The following NCKAP1L variants were observed in gnomAD, a reference collection of about 807,000 sequenced individuals.
NCKAP1L encodes the protein NCK associated protein 1 like, also known as nck-associated protein 1-like.
NCKAP1L carries 53 observed loss-of-function variants against 139.2 expected under a neutral mutation model. The observed-to-expected ratio is 0.38, with a 90% CI of 0.31 to 0.48. The LOEUF (loss-of-function observed/expected upper bound fraction) is 0.48, where lower values mean the gene tolerates loss of function less well. Ranked by LOEUF, NCKAP1L falls within the 20% of genes least tolerant of loss-of-function variation. NCKAP1L has a pLI of 0.98. For synonymous variants in NCKAP1L, 468 were observed against 499.7 expected, an observed-to-expected ratio of 0.94 and a Z score of 0.85; for missense variants, 1,151 against 1,381.9, an observed-to-expected ratio of 0.83 and a Z score of 2.65.
In NCKAP1L at chr12:54,497,834, C is replaced by T; in HGVS notation, c.45C>T (p.Leu15=). ...SAYQHKLAEK[L]TILNDRGQGV... is the part of the protein sequence containing the mutation. ...ACCAGCATAAATTAGCAGAGAAGCT[C>T]ACTATCCTGAATGATCGCGGTCAGG... The change falls in exon 1 of 31, where the codon CTC becomes CTT. Residue 15 remains leucine (L), a synonymous_variant. Transcript: ENST00000293373. 1 of 1,613,922 alleles carries T rather than the reference C, an allele frequency of 6.2e-7. No individual in the cohort carries two copies. Among genetic ancestry groups the T allele is most frequent in the South Asian group, 1.1e-5 (1 of 91,066 alleles).
At chr12:54,524,621 T>G (rs1019817335) in intron 20 of NCKAP1L, among the ~76,000 whole-genome samples, 1 of 152,156 alleles carries the variant, frequency 6.6e-6, no homozygotes, top group Admixed American at 6.5e-5. Context: ...TCAACAAATG[T>G]TTATTGAACA....
intron 23 of NCKAP1L, 34 bp downstream of exon 23, chr12:54,531,391 C>T: frequency 6.2e-7 from 1 of 1,610,722 alleles, no homozygotes; most frequent in East Asian, 2.2e-5. Context: ...GGAAAAGATC[C>T]TACCTTGAGG....
intron 16 of NCKAP1L, 65 bp downstream of exon 16, chr12:54,519,397 A>G (rs1247062267): frequency 1.7e-6 from 2 of 1,190,312 alleles, no homozygotes; most frequent in African/African-American, 1.7e-5. Flanking sequence ...TTTTTTCTCC[A>G]TTATGCCACT....
chr12:54,508,244 A>G (rs896949549), intron 4 of NCKAP1L, 145 bp from the exon 5 acceptor site: 1 of 914,802 alleles, frequency 1.1e-6, no homozygotes, highest in Non-Finnish European at 1.7e-6. Flanking sequence ...CAATTTTCTT[A>G]TTCTTCTTTT....
At chr12:54,518,798 T>G (rs1204965161) in intron 14 of NCKAP1L, 66 bp downstream of exon 14, 7 of 1,536,000 alleles carry the variant, frequency 4.6e-6, no homozygotes, top group Non-Finnish European at 6.3e-6. Flanking sequence ...CCGGAAATAT[T>G]GATCTTTGAG....
intron 18 of NCKAP1L, among the ~76,000 whole-genome samples, chr12:54,521,715 C>T (rs1026833648): frequency 6.6e-6 from 1 of 152,038 alleles, no homozygotes; most frequent in East Asian, 1.9e-4. Flanking sequence ...TTATTTTTCC[C>T]CTCTCCTCCC....
Position 54,523,405 on chromosome 12 carries a change from G to A in NCKAP1L, c.1890G>A (p.Lys630=), listed in dbSNP as rs141593661. The change falls in exon 19 of 31, where the codon AAG becomes AAA. Residue 630 remains lysine (K), a synonymous_variant. Transcript: ENST00000293373. ...GTTTGTTTCTGAAGCTTCTACCTAA[G>A]CACTGTGCCACTACAATCAGCAAAG... ...QRNLSEQLLP[K]HCATTISKAK... 2.9e-5 allele frequency: 47 copies of A among 1,613,716 alleles called. No individual in the cohort carries two copies. The highest frequency in any genetic ancestry group is 1.3e-4 in the South Asian group (12 of 91,046).
At position 54,507,915 on chromosome 12, in the gene NCKAP1L, A is replaced by T. The variant is rs1347478805; in HGVS notation, c.363+6A>T. On this transcript the variant is annotated splice_donor_region_variant and intron_variant, in intron 4 of 30. Coordinates refer to ENST00000293373, the MANE Select transcript of NCKAP1L (RefSeq NM_005337.5). ...GCCAGTGCCATTTTGATATCGTAAG[A>T]ACCTTTGCAATTCTCTTCTATCGTA... 1 of 1,613,584 alleles carries T rather than the reference A, an allele frequency of 6.2e-7. No homozygotes were observed. Among genetic ancestry groups the T allele is most frequent in the South Asian group, 1.1e-5 (1 of 91,056 alleles).
chr12:54,534,693 T>C (rs1245608471), intron 26 of NCKAP1L, among the ~76,000 whole-genome samples: 1 of 152,196 alleles, frequency 6.6e-6, no homozygotes, highest in East Asian at 1.9e-4. Flanking sequence ...TAAATTATCC[T>C]GGCAGCACCG....
Position 54,533,864 on chromosome 12 carries a change from T to C in NCKAP1L, c.2863-1240T>C, listed in dbSNP as rs1957093777. On this transcript the variant is annotated intron_variant, in intron 26 of 30. Coordinates refer to ENST00000293373, the MANE Select transcript of NCKAP1L (RefSeq NM_005337.5). ...GGATTACAGGCATGAGCCATTGCTC[T>C]GGCCAGTCTGTGGGATTACTTGCAT... is the stretch of plus-strand genomic sequence containing the variant. Among the ~76,000 whole-genome samples the C allele has an allele frequency of 1.3e-5, 2 of 152,244 alleles. 1 individual carries two copies. Among genetic ancestry groups the C allele is most frequent in the South Asian group, 4.1e-4 (2 of 4,836 alleles).
At chr12:54,498,829 T>C (rs1956771679) in intron 1 of NCKAP1L, 1 of 985,250 alleles carries the variant, frequency 1.0e-6, no homozygotes, top group African/African-American at 1.7e-5. Flanking sequence ...CAAGACAAAA[T>C]GCCTAGGTTG....
rs1007168636 is a variant in NCKAP1L, at chr12:54,516,140, C to A, written c.942-99C>A. On this transcript the variant is annotated intron_variant, in intron 9 of 30. Transcript: ENST00000293373. ...TGCCTGTGAGGGCTGCCCATGCTCCCACCAGGGTATAGGCTGGACTCTCTG... is the reference window on the plus strand; with the variant it reads ...TGCCTGTGAGGGCTGCCCATGCTCCAACCAGGGTATAGGCTGGACTCTCTG... 1.7e-5 allele frequency: 21 copies of A among 1,239,494 alleles called. No homozygotes were observed. In the South Asian group the frequency reaches 2.3e-4, roughly 14 times the overall value. 76.8% of individuals were successfully genotyped at this position (1,239,494 alleles called of 1,614,324 possible).
chr12:54,523,384 G>C lies in NCKAP1L; in HGVS notation c.1879-10G>C, dbSNP rs1380348603. ...CCCCTTTCTCCATTTACCTGTGTTTGTTTCTGAAGCTTCTACCTAAGCACT... is the reference window on the plus strand; with the variant it reads ...CCCCTTTCTCCATTTACCTGTGTTTCTTTCTGAAGCTTCTACCTAAGCACT... On this transcript the variant is annotated splice_polypyrimidine_tract_variant and intron_variant, in intron 18 of 30. Coordinates refer to ENST00000293373, the MANE Select transcript of NCKAP1L (RefSeq NM_005337.5). The C allele has an allele frequency of 3.7e-6, 6 of 1,605,710 alleles. No individual in the cohort carries two copies. Among genetic ancestry groups the C allele is most frequent in the Non-Finnish European group, 5.1e-6 (6 of 1,177,596 alleles).
chr12:54,522,256 G>T (rs1216590158), intron 18 of NCKAP1L, among the ~76,000 whole-genome samples: 2 of 152,168 alleles, frequency 1.3e-5, no homozygotes, highest in Non-Finnish European at 1.5e-5. Context: ...ACAATTGCAG[G>T]TATATTCATT....
At position 54,547,686 on chromosome 12, in the gene NCKAP1L, C is replaced by T. The variant is rs1957209571; in HGVS notation, c.*5001C>T. ...AAAGACCTGCCTAAATTTGGAAACT[C>T]CTTAGCTCTAATCCTAATTTACTAA... On this transcript the variant is annotated 3_prime_UTR_variant, in exon 31 of 31. Transcript: ENST00000293373. The T allele has an allele frequency of 6.6e-6, 1 of 152,190 alleles. No individual in the cohort carries two copies. The highest frequency in any genetic ancestry group is 1.5e-5 in the Non-Finnish European group (1 of 68,038). 9.4% of individuals were successfully genotyped at this position (152,190 alleles called of 1,614,324 possible). A position where few individuals can be genotyped will look rare whatever the true frequency, so the allele number is the denominator to read the frequency against.
At chr12:54,532,297 T>G in intron 26 of NCKAP1L, 47 bp downstream of exon 26, 2 of 1,494,372 alleles carry the variant, frequency 1.3e-6, no homozygotes, top group Non-Finnish European at 1.8e-6. Context: ...CTTTTGTTGT[T>G]GAAAAGGAGG....
chr12:54,511,684 G>A (rs1402528429), intron 7 of NCKAP1L, 119 bp from the exon 8 acceptor site: 2 of 1,041,428 alleles, frequency 1.9e-6, no homozygotes, highest in African/African-American at 3.2e-5. Context: ...TGGGATTAAA[G>A]GCGTTAGCCA....
At chr12:54,519,429 ATTTTTTT>A (rs10686138) in intron 16 of NCKAP1L, 97 bp downstream of exon 16, 70 of 502,078 alleles carry the variant, frequency 1.4e-4, no homozygotes, top group African/African-American at 1.1e-3. Flanking sequence ...ATTTTGTTTA[ATTTTTTT>A]TTTTTTTTTT....
intron 2 of NCKAP1L, among the ~76,000 whole-genome samples, chr12:54,500,057 C>T (rs1301132883): frequency 6.6e-6 from 1 of 152,128 alleles, no homozygotes; most frequent in African/African-American, 2.4e-5. Context: ...TAAAGACCTT[C>T]AGAGCACTGA....
Sources: gnomAD v4.1 joint callset for allele counts (sites outside exome capture counted in the v4.1 genomes callset) on GRCh38, gnomAD v4.1.1 for gene constraint, MANE v1.5 for transcripts, NCBI Gene and HGNC (gene_info 2026-07-23, HGNC 2026-07-21) for gene names.